ADGRG2: variants seen among roughly 807,000 people sequenced by gnomAD.
ADGRG2 encodes adhesion G protein-coupled receptor G2.
In ADGRG2, 26 loss-of-function variants were observed where a neutral mutation model predicts 74.1. The ratio of observed to expected loss-of-function variants is 0.35; its 90% CI spans 0.26 to 0.49. ADGRG2 has a LOEUF of 0.49. ADGRG2 is among the 20% of genes least tolerant of loss of function. The pLI, the probability that ADGRG2 is intolerant of heterozygous loss-of-function variation, is 0.99. For synonymous variants in ADGRG2, 296 were observed against 295.2 expected (o/e 1.00, Z -0.03); for missense variants, 619 against 763.1 (o/e 0.81, Z 2.22).
intron 6 of ADGRG2, 128 bp from the exon 7 acceptor site, chrX:19,036,105 G>A: frequency 2.6e-6 from 1 of 386,386 alleles, no homozygotes; most frequent in Middle Eastern, 7.4e-4. Context: ...AAAGCCAACT[G>A]ACACTACTAA....
intron 1 of ADGRG2, among the ~76,000 whole-genome samples, chrX:19,120,144 C>T (rs984839648): frequency 4.5e-5 from 5 of 111,171 alleles, no homozygotes; most frequent in South Asian, 3.8e-4. Context: ...GAAGGGAATC[C>T]GATCCGGGCT....
intron 1 of ADGRG2, among the ~76,000 whole-genome samples, chrX:19,097,070 C>T (rs1407742046): frequency 8.9e-6 from 1 of 112,369 alleles, no homozygotes; most frequent in Admixed American, 9.4e-5. Context: ...TCCTCCTTGG[C>T]CATGCCACTC....
chrX:19,006,403 T>A, intron 20 of ADGRG2, 138 bp from the exon 21 acceptor site: 1 of 487,672 alleles, frequency 2.1e-6, no homozygotes, highest in East Asian at 3.5e-5. Flanking sequence ...TTTTAGAGAG[T>A]TCTTATTTTA....
intron 28 of ADGRG2, among the ~76,000 whole-genome samples, chrX:18,991,260 C>G (rs1382690216): frequency 9.0e-6 from 1 of 111,516 alleles, no homozygotes; most frequent in African/African-American, 3.3e-5. Context: ...GCTTCAGAAA[C>G]CAGTTCTCTA....
chrX:19,009,000 T>C (rs1339209785), intron 18 of ADGRG2, among the ~76,000 whole-genome samples: 1 of 111,589 alleles, frequency 9.0e-6, no homozygotes, highest in East Asian at 2.8e-4. Flanking sequence ...AGTGCAGTTC[T>C]AACACTTGTT....
chrX:19,001,830 G>A (rs767142963), intron 24 of ADGRG2, among the ~76,000 whole-genome samples: 1 of 111,385 alleles, frequency 9.0e-6, no homozygotes, highest in South Asian at 3.8e-4. Flanking sequence ...CGGAGAGCCA[G>A]GCTTGCTGTT....
chrX:19,053,249 C>T (rs1272714814), intron 3 of ADGRG2, among the ~76,000 whole-genome samples: 1 of 110,668 alleles, frequency 9.0e-6, no homozygotes, highest in Non-Finnish European at 1.9e-5. Context: ...TACAGGGGTA[C>T]ATTGGGCAAG....
intron 1 of ADGRG2, among the ~76,000 whole-genome samples, chrX:19,087,923 G>A (rs1188066063): frequency 9.0e-6 from 1 of 110,609 alleles, no homozygotes; most frequent in Admixed American, 9.6e-5. Flanking sequence ...GGCTTGCCAC[G>A]TGTATTCCGG....
At chrX:19,000,249 G>A (rs1446983106) in intron 24 of ADGRG2, among the ~76,000 whole-genome samples, 4 of 111,551 alleles carry the variant, frequency 3.6e-5, no homozygotes, top group Admixed American at 9.5e-5. Flanking sequence ...TGCCCGCCTC[G>A]GTCTCCCAAA....
intron 15 of ADGRG2, among the ~76,000 whole-genome samples, chrX:19,017,555 T>C (rs2060494287): frequency 8.9e-6 from 1 of 111,982 alleles, no homozygotes; most frequent in Non-Finnish European, 1.9e-5. Flanking sequence ...ATCCCCAAAA[T>C]GGGGCTCAAT....
intron 3 of ADGRG2, among the ~76,000 whole-genome samples, chrX:19,064,996 C>T (rs746543797): frequency 5.8e-4 from 64 of 110,472 alleles, no homozygotes; most frequent in African/African-American, 2.1e-3. Context: ...ATGAGCAGGG[C>T]GTGGTGGCTC....
In ADGRG2 at chrX:19,008,175, A is replaced by G. The variant is rs762273169; in HGVS notation, c.1423-52T>C. ...AAATGTCTGGAGCTAGTATAATGAG[A>G]TGGAAAACACATCTATTAAGTTGGT... On this transcript the variant is annotated intron_variant, in intron 18 of 28. Coordinates refer to ENST00000379869, the MANE Select transcript of ADGRG2 (RefSeq NM_001079858.3). 19 of 911,800 alleles carry G rather than the reference A, an allele frequency of 2.1e-5. No individual in the cohort carries two copies. The East Asian group carries it at 5.2e-4, about 25-fold the overall frequency. 75.1% of individuals were successfully genotyped at this position (911,800 alleles called of 1,213,427 possible). A position where few individuals can be genotyped will look rare whatever the true frequency, so the allele number is the denominator to read the frequency against.
chrX:19,105,948 A>AAAAG (rs2062282085), intron 1 of ADGRG2, among the ~76,000 whole-genome samples: 1 of 106,523 alleles, frequency 9.4e-6, no homozygotes, highest in African/African-American at 3.4e-5. Flanking sequence ...AAAAAAAAAA[A>AAAAG]AAGAAGAAGA....
rs763525418 is a variant in ADGRG2 at position 19,033,660 on chromosome X, A to G, written c.263-6T>C. The G allele has an allele frequency of 2.6e-6, 2 of 758,996 alleles. No individual in the cohort carries two copies. The highest frequency in any genetic ancestry group is 2.3e-5 in the South Asian group (1 of 43,442). The allele number at this position is 758,996 out of a possible 1,213,427, so 62.5% of individuals were successfully genotyped here. On this transcript the variant is annotated splice_region_variant and splice_polypyrimidine_tract_variant and intron_variant, in intron 7 of 28. Transcript: ENST00000379869. ...TATAGTGATTTTAGTTTTTTCTGCA[A>G]AGAAACAACTTAAATATTAGAGAAT...
rs2060968369 is a variant in ADGRG2, at chrX:19,037,596, A to AAAAT, written c.194_195insATTT (p.Thr66PhefsTer6). Reference sequence around the variant, plus strand: ...ATTTTTTCAAAATCTTGCCTGGAGTACCATTGGAGGAGGGGGCAAAACTGA... The same window carrying AAAAT: ...ATTTTTTCAAAATCTTGCCTGGAGTAAAATCCATTGGAGGAGGGGGCAAAACTGA... On this transcript the variant is annotated frameshift_variant, in exon 5 of 29. Coordinates refer to ENST00000379869, the MANE Select transcript of ADGRG2 (RefSeq NM_001079858.3). LOFTEE classifies it high-confidence loss of function. The AAAAT allele has an allele frequency of 2.6e-6, 3 of 1,167,851 alleles. No individual in the cohort carries two copies. The East Asian group carries it at 9.2e-5, about 36-fold the overall frequency.
At chrX:19,113,847 T>C (rs1310605357) in intron 1 of ADGRG2, among the ~76,000 whole-genome samples, 1 of 111,201 alleles carries the variant, frequency 9.0e-6, no homozygotes, top group East Asian at 2.8e-4. Context: ...GGCAGGCGGA[T>C]CACCGGAGGC....
At chrX:19,061,239 A>AG (rs113233904) in intron 3 of ADGRG2, among the ~76,000 whole-genome samples, 5,226 of 111,341 alleles carry the variant, frequency 0.047, 316 homozygotes, top group African/African-American at 0.16. Context: ...ATGTAAGCTG[A>AG]GGGGGGGCCC....
chrX:19,067,601 A>G (rs1440249560), intron 3 of ADGRG2, among the ~76,000 whole-genome samples: 1 of 112,407 alleles, frequency 8.9e-6, no homozygotes, highest in Non-Finnish European at 1.9e-5. Context: ...TTTCTTTGAT[A>G]TAACACCAAA....
rs778370666 is a variant in ADGRG2, at chrX:19,021,214, T to C, written c.549-16A>G. The C allele has an allele frequency of 2.6e-5, 21 of 807,568 alleles. No homozygotes were observed. In the South Asian group the frequency reaches 4.2e-4, roughly 16 times the overall value. 66.6% of individuals were successfully genotyped at this position (807,568 alleles called of 1,213,427 possible). A position where few individuals can be genotyped will look rare whatever the true frequency, so the allele number is the denominator to read the frequency against. ...ATTTAATGTGCTGTAAGGAGAAATA[T>C]ACATAACCAGAATGTTACTAAATGG... On this transcript the variant is annotated splice_polypyrimidine_tract_variant and intron_variant, in intron 13 of 28. Coordinates refer to ENST00000379869, the MANE Select transcript of ADGRG2 (RefSeq NM_001079858.3).
Sources: gnomAD v4.1 joint callset for allele counts (sites outside exome capture counted in the v4.1 genomes callset) on GRCh38, gnomAD v4.1.1 for gene constraint, MANE v1.5 for transcripts, NCBI Gene and HGNC (gene_info 2026-07-23, HGNC 2026-07-21) for gene names.